GPC3: variants seen among roughly 807,000 people sequenced by gnomAD.
GPC3 encodes the protein glypican 3, also known as glypican-3.
GPC3 carries 3 observed loss-of-function variants against 34.4 expected under a neutral mutation model. The observed-to-expected ratio is 0.09, with a 90% CI of 0.04 to 0.23. The LOEUF (loss-of-function observed/expected upper bound fraction) is 0.23. Among genes scored for constraint, GPC3 ranks in the 10% least tolerant of loss-of-function variants. The pLI, the probability that GPC3 is intolerant of heterozygous loss-of-function variation, is 1.00. For synonymous variants in GPC3, 177 were observed against 174.0 expected, an observed-to-expected ratio of 1.02 and a Z score of -0.13; for missense variants, 351 against 445.6, an observed-to-expected ratio of 0.79 and a Z score of 1.91.
intron 7 of GPC3, among the ~76,000 whole-genome samples, chrX:133,586,671 T>G (rs1468411787): frequency 8.9e-6 from 1 of 112,027 alleles, no homozygotes; most frequent in African/African-American, 3.2e-5. Flanking sequence ...TGTGGTTATT[T>G]GTACAACTCA....
intron 6 of GPC3, among the ~76,000 whole-genome samples, chrX:133,618,125 A>G (rs2070187008): frequency 8.9e-6 from 1 of 112,281 alleles, no homozygotes; most frequent in African/African-American, 3.2e-5. Flanking sequence ...TTTTGCTATG[A>G]TTAGAAAAAA....
At chrX:133,802,816 G>GAT (rs1470886654) in intron 2 of GPC3, among the ~76,000 whole-genome samples, 1 of 109,948 alleles carries the variant, frequency 9.1e-6, no homozygotes, top group Non-Finnish European at 1.9e-5. Flanking sequence ...TCCAGCTCCA[G>GAT]ATATAAAAAT....
intron 7 of GPC3, among the ~76,000 whole-genome samples, chrX:133,558,843 A>G (rs972857686): frequency 9.2e-6 from 1 of 108,344 alleles, no homozygotes; most frequent in African/African-American, 3.4e-5. Flanking sequence ...TGAGCCAAAG[A>G]TCACACCACT....
At chrX:133,982,874 C>T (rs182111176) in intron 1 of GPC3, among the ~76,000 whole-genome samples, 4 of 112,212 alleles carry the variant, frequency 3.6e-5, no homozygotes, top group Admixed American at 1.9e-4. Flanking sequence ...AACCACTGAA[C>T]GACAGCAGCA....
At chrX:133,696,574 A>G (rs761879921) in intron 4 of GPC3, among the ~76,000 whole-genome samples, 1 of 112,465 alleles carries the variant, frequency 8.9e-6, no homozygotes, top group East Asian at 2.8e-4. Flanking sequence ...CATGTTAATT[A>G]CCCATGTATG....
At chrX:133,724,929 C>T (rs916215684) in intron 3 of GPC3, among the ~76,000 whole-genome samples, 6 of 111,224 alleles carry the variant, frequency 5.4e-5, no homozygotes, top group Non-Finnish European at 1.1e-4. Context: ...ATAAGATAAA[C>T]GAAAAATAAA....
rs778484966 is a variant in GPC3 at position 133,832,871 on chromosome X, C to A, written c.338-78695G>T. ...GGCCTTGATTTGTGTTTGTTCCTACCACATTGCCTTTGCCTGCATTCAGAA... is the reference window on the plus strand; with the variant it reads ...GGCCTTGATTTGTGTTTGTTCCTACAACATTGCCTTTGCCTGCATTCAGAA... On this transcript the variant is annotated intron_variant, in intron 2 of 7. Transcript: ENST00000370818. Among the ~76,000 whole-genome samples the A allele has an allele frequency of 3.6e-5, 4 of 112,006 alleles. No individual in the cohort carries two copies. The East Asian group carries it at 1.1e-3, about 31-fold the overall frequency.
chrX:133,798,329 C>T (rs1569435280), intron 2 of GPC3, among the ~76,000 whole-genome samples: 1 of 111,293 alleles, frequency 9.0e-6, no homozygotes, highest in Non-Finnish European at 1.9e-5. Context: ...ACCCCTCAGC[C>T]TGATACAATC....
intron 4 of GPC3, among the ~76,000 whole-genome samples, chrX:133,693,991 C>A (rs1222322326): frequency 9.0e-6 from 1 of 110,747 alleles, no homozygotes; most frequent in Non-Finnish European, 1.9e-5. Context: ...GTTCCCTTTC[C>A]TTTTCTCCAC....
At chrX:133,732,122 T>C (rs1358887720) in intron 3 of GPC3, among the ~76,000 whole-genome samples, 1 of 111,257 alleles carries the variant, frequency 9.0e-6, no homozygotes, top group African/African-American at 3.3e-5. Context: ...AGGTAGGTAA[T>C]TTAGATCCTG....
chrX:133,621,558 C>A, intron 6 of GPC3, among the ~76,000 whole-genome samples: 1 of 112,175 alleles, frequency 8.9e-6, no homozygotes, highest in Middle Eastern at 4.6e-3. Flanking sequence ...TCACTGCTAG[C>A]ACAGCAGTCT....
chrX:133,652,740 G>A (rs773761513), intron 6 of GPC3, among the ~76,000 whole-genome samples: 3 of 111,959 alleles, frequency 2.7e-5, no homozygotes, highest in Non-Finnish European at 5.6e-5. Flanking sequence ...ATAGCCATGG[G>A]ATTAAAGGAC....
intron 2 of GPC3, among the ~76,000 whole-genome samples, chrX:133,912,133 A>C (rs2076203381): frequency 8.9e-6 from 1 of 112,198 alleles, no homozygotes; most frequent in Admixed American, 9.4e-5. Flanking sequence ...TTTTCTTTAC[A>C]AAAAAAAGTG....
chrX:133,903,432 T>C (rs2076154140), intron 2 of GPC3, among the ~76,000 whole-genome samples: 1 of 109,631 alleles, frequency 9.1e-6, no homozygotes, highest in South Asian at 3.9e-4. Flanking sequence ...CTAAAAAAAA[T>C]GCAAAAATTA....
intron 2 of GPC3, among the ~76,000 whole-genome samples, chrX:133,914,366 C>A (rs771868617): frequency 1.8e-5 from 2 of 111,392 alleles, no homozygotes; most frequent in African/African-American, 6.5e-5. Flanking sequence ...GGATTCAGAG[C>A]CCCTGGGCTA....
chrX:133,713,144 C>G (rs1229978633), intron 3 of GPC3, among the ~76,000 whole-genome samples: 1 of 111,890 alleles, frequency 8.9e-6, no homozygotes, highest in Non-Finnish European at 1.9e-5. Context: ...GTATTAAGCA[C>G]TAACTAATCA....
chrX:133,950,610 G>C (rs1429919206), intron 2 of GPC3, among the ~76,000 whole-genome samples: 1 of 112,280 alleles, frequency 8.9e-6, no homozygotes, highest in Non-Finnish European at 1.9e-5. Flanking sequence ...GAATATTGGG[G>C]AGGGGATGTA....
intron 1 of GPC3, among the ~76,000 whole-genome samples, chrX:133,958,994 C>T (rs1243009706): frequency 2.7e-5 from 3 of 111,820 alleles, no homozygotes; most frequent in East Asian, 5.6e-4. Flanking sequence ...GACAACTTCT[C>T]GCACATTGGG....
intron 2 of GPC3, among the ~76,000 whole-genome samples, chrX:133,946,784 C>T (rs2076371021): frequency 9.0e-6 from 1 of 110,650 alleles, no homozygotes; most frequent in Non-Finnish European, 1.9e-5. Flanking sequence ...ACAACTGAGA[C>T]CGATGGGGTC....
Sources: gnomAD v4.1 joint callset for allele counts (sites outside exome capture counted in the v4.1 genomes callset) on GRCh38, gnomAD v4.1.1 for gene constraint, MANE v1.5 for transcripts, NCBI Gene and HGNC (gene_info 2026-07-23, HGNC 2026-07-21) for gene names.